Variants in ARHGEF28 observed in about 807,000 individuals in gnomAD.
ARHGEF28 encodes 190 kDa guanine nucleotide exchange factor.
ARHGEF28 carries 152 observed loss-of-function variants against 206.6 expected under a neutral mutation model. The ratio of observed to expected loss-of-function variants is 0.74; its 90% CI spans 0.64 to 0.84. The LOEUF (loss-of-function observed/expected upper bound fraction) is 0.84, where lower values mean the gene tolerates loss of function less well. Among genes scored for constraint, ARHGEF28 ranks in the 40% least tolerant of loss-of-function variants. The pLI is 0.00. For synonymous variants in ARHGEF28, 763 were observed against 776.4 expected, an observed-to-expected ratio of 0.98 and a Z score of 0.29; for missense variants, 2,028 against 2,073.2, an observed-to-expected ratio of 0.98 and a Z score of 0.42.
At chr5:73,801,902 T>G (rs1755154951) in intron 9 of ARHGEF28, among the ~76,000 whole-genome samples, 1 of 152,192 alleles carries the variant, frequency 6.6e-6, no homozygotes, top group Admixed American at 6.5e-5. Context: ...TTCAAGGAAA[T>G]TTTCTTACTG....
rs1759607137 is a variant in ARHGEF28 at position 73,864,823 on chromosome 5, A to G, written c.2054A>G (p.Asn685Ser). ...TCTTTTCCCTTTATTTCAGACTGTAATGCAAATGTGCACAAAGGTTGTAAA... is the reference window on the plus strand; with the variant it reads ...TCTTTTCCCTTTATTTCAGACTGTAGTGCAAATGTGCACAAAGGTTGTAAA... ...GKESLQCSNC[N>S]ANVHKGCKDA... The change falls in exon 17 of 36, where the codon AAT (asparagine) becomes AGT (serine). Residue 685 changes from asparagine to serine, a missense_variant. Transcript: ENST00000513042. The G allele has an allele frequency of 6.2e-7, 1 of 1,612,748 alleles. No individual in the cohort carries two copies. Among genetic ancestry groups the G allele is most frequent in the Admixed American group, 1.7e-5 (1 of 59,906 alleles).
intron 9 of ARHGEF28, among the ~76,000 whole-genome samples, chr5:73,825,621 A>G (rs1756860303): frequency 6.6e-6 from 1 of 152,216 alleles, no homozygotes; most frequent in Non-Finnish European, 1.5e-5. Flanking sequence ...GGCCAAGAGT[A>G]GGAGCAGAGA....
At chr5:73,732,174 A>G (rs1416637375) in intron 2 of ARHGEF28, among the ~76,000 whole-genome samples, 2 of 152,178 alleles carry the variant, frequency 1.3e-5, no homozygotes, top group Non-Finnish European at 2.9e-5. Flanking sequence ...GGTATTACAT[A>G]GAGTGTTTTC....
At chr5:73,916,384 T>C (rs1164875758) in intron 35 of ARHGEF28, among the ~76,000 whole-genome samples, 1 of 152,200 alleles carries the variant, frequency 6.6e-6, no homozygotes, top group Non-Finnish European at 1.5e-5. Context: ...TGACTAGGGC[T>C]GCCATAACAA....
At position 73,848,841 on chromosome 5, in the gene ARHGEF28, C is replaced by T. The variant is rs913622906; in HGVS notation, c.1636-135C>T. 3 of 661,566 alleles carry T rather than the reference C, an allele frequency of 4.5e-6. No homozygotes were observed. The East Asian group carries it at 8.5e-5, about 19-fold the overall frequency. The allele number at this position is 661,566 out of a possible 1,614,324, so 41.0% of individuals were successfully genotyped here. ...AAATTGTGAGAGGAAAACAGAAACA[C>T]ATAATGAGATCATATCAGAAATGTT... On this transcript the variant is annotated intron_variant, in intron 12 of 35. Coordinates refer to ENST00000513042, the MANE Select transcript of ARHGEF28 (RefSeq NM_001177693.2).
At chr5:73,635,326 A>G (rs1743634132) in intron 1 of ARHGEF28, among the ~76,000 whole-genome samples, 1 of 152,160 alleles carries the variant, frequency 6.6e-6, no homozygotes, top group African/African-American at 2.4e-5. Flanking sequence ...CCTGGGCAAC[A>G]ATAGTGAAAC....
intron 35 of ARHGEF28, among the ~76,000 whole-genome samples, chr5:73,938,415 C>CCGTTTT (rs1742341040): frequency 6.6e-6 from 1 of 152,032 alleles, no homozygotes; most frequent in African/African-American, 2.4e-5. Context: ...ATGAAGAAAA[C>CCGTTTT]CTACATAGAT....
intron 7 of ARHGEF28, among the ~76,000 whole-genome samples, chr5:73,792,626 A>G (rs1248547457): frequency 3.4e-5 from 5 of 148,112 alleles, no homozygotes; most frequent in Non-Finnish European, 5.9e-5. Flanking sequence ...ACTCTGGTCC[A>G]GGTTATCCTT....
intron 9 of ARHGEF28, among the ~76,000 whole-genome samples, chr5:73,830,415 G>A (rs1440327983): frequency 6.6e-6 from 1 of 152,048 alleles, no homozygotes; most frequent in Non-Finnish European, 1.5e-5. Flanking sequence ...TTAACTGGGT[G>A]TGGTGGCGGG....
At chr5:73,823,270 T>C (rs1463546779) in intron 9 of ARHGEF28, among the ~76,000 whole-genome samples, 3 of 152,222 alleles carry the variant, frequency 2.0e-5, no homozygotes, top group Non-Finnish European at 4.4e-5. Context: ...GTAAAACGTT[T>C]CCAGTTAATA....
intron 1 of ARHGEF28, among the ~76,000 whole-genome samples, chr5:73,679,878 T>G (rs1180570372): frequency 1.3e-5 from 2 of 152,202 alleles, no homozygotes; most frequent in Non-Finnish European, 2.9e-5. Flanking sequence ...ATTTTTATGG[T>G]TACTTCGCAT....
chr5:73,633,385 A>G (rs571885958), intron 1 of ARHGEF28, among the ~76,000 whole-genome samples: 170 of 152,198 alleles, frequency 1.1e-3, no homozygotes, highest in African/African-American at 3.8e-3. Flanking sequence ...GCTGCAGGTC[A>G]GAGAGACTTG....
chr5:73,684,844 C>G lies in ARHGEF28; in HGVS notation c.-8C>G. ...TTGTTTATTATTTTCATTGCAGATG[C>G]GAAAGCCATGGAGTTGAGCTGCAGC... is the stretch of plus-strand genomic sequence containing the variant. On this transcript the variant is annotated 5_prime_UTR_variant, in exon 2 of 36. Transcript: ENST00000513042. 3.1e-6 allele frequency: 5 copies of G among 1,608,038 alleles called. No individual in the cohort carries two copies. Among genetic ancestry groups the G allele is most frequent in the Non-Finnish European group, 4.2e-6 (5 of 1,176,964 alleles).
At chr5:73,860,319 G>C (rs1759320782) in intron 16 of ARHGEF28, among the ~76,000 whole-genome samples, 1 of 152,136 alleles carries the variant, frequency 6.6e-6, no homozygotes, top group East Asian at 1.9e-4. Context: ...GAGTACCCAT[G>C]TAATTTATGG....
intron 6 of ARHGEF28, among the ~76,000 whole-genome samples, chr5:73,779,652 T>A (rs1287622007): frequency 6.6e-6 from 1 of 152,090 alleles, no homozygotes; most frequent in Non-Finnish European, 1.5e-5. Flanking sequence ...CCCTCCTCCA[T>A]CCTTGGGTGC....
At chr5:73,711,280 C>T (rs184031877) in intron 2 of ARHGEF28, among the ~76,000 whole-genome samples, 130 of 152,176 alleles carry the variant, frequency 8.5e-4, no homozygotes, top group Non-Finnish European at 2.2e-4. Context: ...CTCCAACTTT[C>T]TTCTTTTTCA....
chr5:73,689,307 A>C (rs1170391279), intron 2 of ARHGEF28, among the ~76,000 whole-genome samples: 1 of 151,704 alleles, frequency 6.6e-6, no homozygotes, highest in East Asian at 1.9e-4. Flanking sequence ...ATATTCCTGA[A>C]CTCAGCCACA....
chr5:73,642,403 A>C (rs962479507), intron 1 of ARHGEF28, among the ~76,000 whole-genome samples: 1 of 152,078 alleles, frequency 6.6e-6, no homozygotes, highest in East Asian at 1.9e-4. Flanking sequence ...TGACTTCTCC[A>C]AGTTCATAGT....
chr5:73,731,793 A>G (rs1338783721), intron 2 of ARHGEF28, among the ~76,000 whole-genome samples: 1 of 152,204 alleles, frequency 6.6e-6, no homozygotes, highest in Non-Finnish European at 1.5e-5. Context: ...GGCATTTAAA[A>G]TGATACAGTT....
Sources: gnomAD v4.1 joint callset for allele counts (sites outside exome capture counted in the v4.1 genomes callset) on GRCh38, gnomAD v4.1.1 for gene constraint, MANE v1.5 for transcripts, NCBI Gene and HGNC (gene_info 2026-07-23, HGNC 2026-07-21) for gene names.